ASIC2: variants seen among roughly 807,000 people sequenced by gnomAD.
ASIC2 encodes acid-sensing ion channel 2.
A neutral mutation model predicts 57.3 loss-of-function variants in ASIC2; 25 were observed. The observed-to-expected ratio is 0.44, with a 90% CI of 0.32 to 0.61. The LOEUF (loss-of-function observed/expected upper bound fraction) is 0.61, where lower values mean the gene tolerates loss of function less well. Among genes scored for constraint, ASIC2 ranks in the 20% least tolerant of loss-of-function variants. ASIC2 has a pLI of 0.06. For synonymous variants in ASIC2, 319 were observed against 307.5 expected (o/e 1.04, Z -0.39); for missense variants, 641 against 738.1 (o/e 0.87, Z 1.52).
At chr17:34,040,478 G>A (rs556852480) in intron 1 of ASIC2, among the ~76,000 whole-genome samples, 67 of 151,518 alleles carry the variant, frequency 4.4e-4, no homozygotes, top group African/African-American at 1.5e-3. Context: ...GGGGGTCCCC[G>A]CTGCCCCCTG....
chr17:33,722,561 GT>G (rs1246464232), intron 1 of ASIC2, among the ~76,000 whole-genome samples: 15 of 151,260 alleles, frequency 9.9e-5, no homozygotes, highest in Non-Finnish European at 2.9e-5. Flanking sequence ...GAAGCCAGGA[GT>G]TAGAGACCTG....
Position 33,013,810 on chromosome 17 carries a change from G to A in ASIC2, c.*155C>T, listed in dbSNP as rs76253432. The A allele has an allele frequency of 2.1e-3, 1,445 of 676,828 alleles. 3 individuals carry two copies. The highest frequency in any genetic ancestry group is 2.8e-3 in the Non-Finnish European group (1,075 of 384,170). The allele number at this position is 676,828 out of a possible 1,614,324, so 41.9% of individuals were successfully genotyped here. A position where few individuals can be genotyped will look rare whatever the true frequency, so the allele number is the denominator to read the frequency against. ...AGGATGCGTCGTGTTGGACGTGGCC[G>A]GAGCGAGGTCTAGGCAGCTAGTCTG... On this transcript the variant is annotated 3_prime_UTR_variant, in exon 10 of 10. Coordinates refer to ENST00000225823, the MANE Select transcript of ASIC2 (RefSeq NM_183377.2).
chr17:33,606,043 C>CT (rs1329989916), intron 1 of ASIC2, among the ~76,000 whole-genome samples: 3 of 152,156 alleles, frequency 2.0e-5, no homozygotes, highest in African/African-American at 7.2e-5. Context: ...TTTTATTAAA[C>CT]TTTTTTGTGC....
intron 1 of ASIC2, among the ~76,000 whole-genome samples, chr17:33,113,857 C>T (rs561850380): frequency 6.6e-6 from 1 of 152,372 alleles, no homozygotes; most frequent in South Asian, 2.1e-4. Context: ...AAATCTACAT[C>T]TGTCTGATTC....
chr17:33,728,447 T>C (rs990181095), intron 1 of ASIC2, among the ~76,000 whole-genome samples: 3 of 152,186 alleles, frequency 2.0e-5, no homozygotes, highest in African/African-American at 7.2e-5. Flanking sequence ...AAGCACAACT[T>C]ATGGGACCCC....
intron 1 of ASIC2, among the ~76,000 whole-genome samples, chr17:33,835,441 A>C (rs1316618452): frequency 2.0e-5 from 3 of 152,168 alleles, no homozygotes; most frequent in Non-Finnish European, 4.4e-5. Flanking sequence ...AGAAGTCTTC[A>C]CTGATAAACC....
At chr17:33,959,176 TCC>T (rs1030779268) in intron 1 of ASIC2, among the ~76,000 whole-genome samples, 83 of 152,292 alleles carry the variant, frequency 5.5e-4, no homozygotes, top group African/African-American at 1.9e-3. Flanking sequence ...TTCTGAGCCC[TCC>T]AAGTCTCTAG....
chr17:33,870,359 C>T (rs1182029043), intron 1 of ASIC2, among the ~76,000 whole-genome samples: 2 of 142,376 alleles, frequency 1.4e-5, no homozygotes, highest in Non-Finnish European at 1.5e-5. Flanking sequence ...CCAGAGATCC[C>T]TTGATAAAGT....
Position 33,721,774 on chromosome 17 carries a change from G to A in ASIC2, c.555+434204C>T, listed in dbSNP as rs1597849552. 4.6e-5 allele frequency among the ~76,000 whole-genome samples: 7 copies of A among 152,296 alleles called. 1 individual carries two copies. The highest frequency in any genetic ancestry group is 4.6e-4 in the Admixed American group (7 of 15,296). Reference sequence around the variant, plus strand: ...AGGCCTGGATGAAGTAAGAGGGTAAGCCATCCAGATATCTGGGTTAGGAAC... The same window carrying A: ...AGGCCTGGATGAAGTAAGAGGGTAAACCATCCAGATATCTGGGTTAGGAAC... On this transcript the variant is annotated intron_variant, in intron 1 of 9. Coordinates refer to the ASIC2 transcript ENST00000359872.
intron 1 of ASIC2, among the ~76,000 whole-genome samples, chr17:34,112,457 CAAA>C (rs35815808): frequency 1.3e-4 from 10 of 79,924 alleles, no homozygotes; most frequent in African/African-American, 2.2e-4. Context: ...CAAGACAGGC[CAAA>C]AAAAAAAAAA....
At chr17:33,947,440 T>C (rs372620226) in intron 1 of ASIC2, among the ~76,000 whole-genome samples, 9 of 152,162 alleles carry the variant, frequency 5.9e-5, no homozygotes, top group East Asian at 3.8e-4. Context: ...ATAAGACTCA[T>C]GTACAAGGTG....
At chr17:33,451,431 C>A (rs1343369987) in intron 1 of ASIC2, among the ~76,000 whole-genome samples, 3 of 152,008 alleles carry the variant, frequency 2.0e-5, no homozygotes, top group Non-Finnish European at 2.9e-5. Flanking sequence ...AAAAGTTTGA[C>A]CTTCTATGAC....
At chr17:33,236,710 G>T (rs780235970) in intron 1 of ASIC2, among the ~76,000 whole-genome samples, 33 of 152,052 alleles carry the variant, frequency 2.2e-4, no homozygotes, top group Non-Finnish European at 4.6e-4. Context: ...ATTTAGAGTG[G>T]GCTCTAAATT....
intron 3 of ASIC2, among the ~76,000 whole-genome samples, chr17:33,037,322 C>T (rs1466663523): frequency 6.7e-6 from 1 of 149,282 alleles, no homozygotes; most frequent in Non-Finnish European, 1.5e-5. Flanking sequence ...AATGGGTGGA[C>T]AATGAATGTA....
At chr17:33,463,403 C>A (rs1195848535) in intron 1 of ASIC2, among the ~76,000 whole-genome samples, 1 of 152,154 alleles carries the variant, frequency 6.6e-6, no homozygotes, top group Non-Finnish European at 1.5e-5. Context: ...GTCACATGAC[C>A]AAGATCACAT....
At chr17:33,752,428 C>A (rs558950067) in intron 1 of ASIC2, among the ~76,000 whole-genome samples, 18 of 152,012 alleles carry the variant, frequency 1.2e-4, no homozygotes, top group African/African-American at 4.1e-4. Context: ...AAAGACAAGC[C>A]ACAGACTGGA....
intron 1 of ASIC2, among the ~76,000 whole-genome samples, chr17:33,163,536 C>G (rs967725685): frequency 6.6e-6 from 1 of 152,076 alleles, no homozygotes; most frequent in Non-Finnish European, 1.5e-5. Flanking sequence ...ATTAGGCACT[C>G]GTGTGTGCCA....
At chr17:34,046,484 T>C (rs1485560592) in intron 1 of ASIC2, among the ~76,000 whole-genome samples, 4 of 152,204 alleles carry the variant, frequency 2.6e-5, no homozygotes, top group Non-Finnish European at 5.9e-5. Context: ...GTCACAGGAA[T>C]TAATCAATGC....
intron 1 of ASIC2, among the ~76,000 whole-genome samples, chr17:33,895,825 G>A (rs1597920562): frequency 6.6e-6 from 1 of 152,150 alleles, no homozygotes; most frequent in Non-Finnish European, 1.5e-5. Context: ...CAGAACAGTT[G>A]TAAGGCAAGA....
Sources: allele counts gnomAD v4.1 joint callset (sites outside exome capture counted in the v4.1 genomes callset), GRCh38; gene constraint gnomAD v4.1.1; transcripts MANE v1.5; gene names NCBI Gene and HGNC (gene_info 2026-07-23, HGNC 2026-07-21).